Variants in TMEM132D observed in about 807,000 individuals in gnomAD.
TMEM132D encodes the protein transmembrane protein 132D.
Under a neutral mutation model 62.3 loss-of-function variants are expected in TMEM132D, and 21 were observed. The ratio of observed to expected loss-of-function variants is 0.34; its 90% CI spans 0.24 to 0.49. The LOEUF (loss-of-function observed/expected upper bound fraction) is 0.49. TMEM132D is among the 20% of genes least tolerant of loss of function. TMEM132D has a pLI of 0.99. For missense variants in TMEM132D, 1,346 were observed against 1,402.8 expected (o/e 0.96, Z 0.65); for synonymous variants, 621 against 575.6 (o/e 1.08, Z -1.13).
intron 3 of TMEM132D, among the ~76,000 whole-genome samples, chr12:129,386,588 ACACTAT>A (rs1487093036): frequency 2.0e-5 from 3 of 151,964 alleles, no homozygotes; most frequent in Admixed American, 1.3e-4. Context: ...GCCAATGCCA[ACACTAT>A]CACTAACACC....
chr12:129,296,099 T>C (rs891649611), intron 4 of TMEM132D, among the ~76,000 whole-genome samples: 18 of 151,956 alleles, frequency 1.2e-4, no homozygotes, highest in South Asian at 4.2e-4. Flanking sequence ...TATATATATA[T>C]ACATATGTAT....
chr12:129,226,036 G>C (rs377125726), intron 4 of TMEM132D, among the ~76,000 whole-genome samples: 2 of 152,194 alleles, frequency 1.3e-5, no homozygotes, highest in African/African-American at 2.4e-5. Context: ...GGGAAGTTTC[G>C]AGCCGTAGAA....
At chr12:129,737,876 CACCATGCTTTCACTGATGGTTCA>C (rs1869477780) in intron 1 of TMEM132D, among the ~76,000 whole-genome samples, 1 of 152,236 alleles carries the variant, frequency 6.6e-6, no homozygotes, top group Non-Finnish European at 1.5e-5. Flanking sequence ...TGAAAATGAG[CACCATGCTTTCACTGATGGTTCA>C]ACTCTTTGGT....
intron 3 of TMEM132D, among the ~76,000 whole-genome samples, chr12:129,380,610 C>T (rs1482035321): frequency 6.6e-6 from 1 of 151,992 alleles, no homozygotes; most frequent in African/African-American, 2.4e-5. Flanking sequence ...TATACCATCT[C>T]ATCACGTGTG....
At chr12:129,367,554 C>G (rs377548074) in intron 3 of TMEM132D, among the ~76,000 whole-genome samples, 31 of 152,202 alleles carry the variant, frequency 2.0e-4, no homozygotes, top group African/African-American at 7.2e-4. Context: ...GCCGGGGGAG[C>G]AAGGGTCTTC....
chr12:129,393,537 T>A (rs1871346017), intron 3 of TMEM132D, among the ~76,000 whole-genome samples: 1 of 152,200 alleles, frequency 6.6e-6, no homozygotes, highest in Non-Finnish European at 1.5e-5. Context: ...CAGGCCAGTC[T>A]GTGACTTTCC....
At chr12:129,306,951 C>T (rs879560) in intron 4 of TMEM132D, among the ~76,000 whole-genome samples, 61,560 of 151,924 alleles carry the variant, frequency 0.41, 13,623 homozygotes, top group Non-Finnish European at 0.5. Flanking sequence ...TAGTGAGCGA[C>T]GGGTAGGTCT....
chr12:129,883,172 A>C (rs1419134926), intron 1 of TMEM132D, among the ~76,000 whole-genome samples: 1 of 152,218 alleles, frequency 6.6e-6, no homozygotes, highest in African/African-American at 2.4e-5. Context: ...AAAATTACTA[A>C]AACAAGTGAG....
chr12:129,583,165 G>A (rs1877926471), intron 2 of TMEM132D, among the ~76,000 whole-genome samples: 1 of 152,210 alleles, frequency 6.6e-6, no homozygotes, highest in Non-Finnish European at 1.5e-5. Context: ...AGAGGTTTTA[G>A]GAGATTGTGT....
At chr12:129,423,144 AAAAAT>A (rs1421107160) in intron 3 of TMEM132D, among the ~76,000 whole-genome samples, 3 of 152,092 alleles carry the variant, frequency 2.0e-5, no homozygotes, top group African/African-American at 7.2e-5. Flanking sequence ...TCTAAATTAA[AAAAAT>A]AAATCTCAAT....
intron 4 of TMEM132D, among the ~76,000 whole-genome samples, chr12:129,309,281 G>T (rs1881915804): frequency 6.6e-6 from 1 of 152,012 alleles, no homozygotes; most frequent in Non-Finnish European, 1.5e-5. Context: ...TTCTTTAGTT[G>T]TTGGTGGCAT....
chr12:129,546,918 A>G (rs1876754075), intron 2 of TMEM132D, among the ~76,000 whole-genome samples: 1 of 152,226 alleles, frequency 6.6e-6, no homozygotes, highest in African/African-American at 2.4e-5. Context: ...ATTTCCATAC[A>G]GTTTATTAAT....
chr12:129,600,693 T>A (rs546626400), intron 2 of TMEM132D, among the ~76,000 whole-genome samples: 2 of 152,188 alleles, frequency 1.3e-5, no homozygotes, highest in Non-Finnish European at 2.9e-5. Context: ...AGCTCTTAGG[T>A]GACCAGGTGT....
chr12:129,874,083 C>T (rs559392683), intron 1 of TMEM132D, among the ~76,000 whole-genome samples: 2 of 152,264 alleles, frequency 1.3e-5, no homozygotes, highest in African/African-American at 4.8e-5. Context: ...GAAGCACCAA[C>T]GTGCAGCACT....
At chr12:129,607,024 T>C (rs141708537) in intron 2 of TMEM132D, among the ~76,000 whole-genome samples, 11 of 152,240 alleles carry the variant, frequency 7.2e-5, no homozygotes, top group African/African-American at 2.6e-4. Flanking sequence ...TGTGTTCTCA[T>C]CTCTGTGTCT....
rs542318911 is a variant in TMEM132D, at chr12:129,371,348, G to T, written c.1116-33531C>A. ...TGATAACGATGGTGATGATTATAAT[G>T]ATGGTGACAATAATGATGTGATGAT... On this transcript the variant is annotated intron_variant, in intron 3 of 8. Transcript: ENST00000422113. This position sits in a 1 kb window ranked among gnomAD's most constrained non-coding sequence, Gnocchi z 4.3. Among the ~76,000 whole-genome samples the T allele has an allele frequency of 2.0e-4, 31 of 152,088 alleles. No homozygotes were observed. The highest frequency in any genetic ancestry group is 3.4e-3 in the Middle Eastern group (1 of 294).
intron 2 of TMEM132D, among the ~76,000 whole-genome samples, chr12:129,555,354 T>C (rs959193652): frequency 7.9e-5 from 12 of 152,114 alleles, no homozygotes; most frequent in Non-Finnish European, 2.9e-5. Flanking sequence ...GGAACAAGCC[T>C]AAGGTGGGAT....
rs534134377 is a variant in TMEM132D at position 129,092,684 on chromosome 12, G to A, written c.1444-7982C>T. Among the ~76,000 whole-genome samples, 19 of 152,238 alleles carry A rather than the reference G, an allele frequency of 1.2e-4. No homozygotes were observed. In the South Asian group the frequency reaches 2.7e-3, roughly 22 times the overall value. On this transcript the variant is annotated intron_variant, in intron 5 of 8. Coordinates refer to ENST00000422113, the MANE Select transcript of TMEM132D (RefSeq NM_133448.3). ...TTACTCCAGCCTGGGCAACAAGAGC[G>A]AAACTATGTCTCAAAAAAGAAAGAT... is the stretch of plus-strand genomic sequence containing the variant.
rs1403055010 is a variant in TMEM132D, at chr12:129,134,405, T to C, written c.1444-49703A>G. ...AACTGTGGAGGGATGTGATTGATTG[T>C]TGTCCCCTGCTCACTTTGTGGCTCA... On this transcript the variant is annotated intron_variant, in intron 5 of 8. Coordinates refer to ENST00000422113, the MANE Select transcript of TMEM132D (RefSeq NM_133448.3). Among the ~76,000 whole-genome samples, 3 of 152,294 alleles carry C rather than the reference T, an allele frequency of 2.0e-5. No individual in the cohort carries two copies. In the East Asian group the frequency reaches 5.8e-4, roughly 29 times the overall value.
Sources: allele counts gnomAD v4.1 joint callset (sites outside exome capture counted in the v4.1 genomes callset), GRCh38; gene constraint gnomAD v4.1.1; non-coding constraint Gnocchi (gnomAD v3.1); transcripts MANE v1.5; gene names NCBI Gene and HGNC (gene_info 2026-07-23, HGNC 2026-07-21).